Variants in INSC observed in about 807,000 individuals in gnomAD.
INSC encodes protein inscuteable homolog.
INSC carries 67 observed loss-of-function variants against 58.6 expected under a neutral mutation model. The ratio of observed to expected loss-of-function variants is 1.14; its 90% CI spans 0.94 to 1.40. The LOEUF (loss-of-function observed/expected upper bound fraction) is 1.40, where lower values mean the gene tolerates loss of function less well. INSC is among the 40% of genes most tolerant of loss of function. The probability of loss-of-function intolerance (pLI) is 0.00; values close to 1 mark genes in which losing one functional copy is unlikely to be tolerated. For synonymous variants in INSC, 262 were observed against 276.1 expected, an observed-to-expected ratio of 0.95 and a Z score of 0.51; for missense variants, 714 against 692.0, an observed-to-expected ratio of 1.03 and a Z score of -0.36.
chr11:15,190,685 TTC>T lies in INSC; in HGVS notation c.580-8_580-7del, dbSNP rs1480754057. The T allele has an allele frequency of 6.3e-7, 1 of 1,585,800 alleles. No homozygotes were observed. The highest frequency in any genetic ancestry group is 8.7e-7 in the Non-Finnish European group (1 of 1,154,254). ...GTGGTGAGTAACTACTAGCTAACTT[TTC>T]TCTCTCTTCTTAGGCACTGGTGAGA... On this transcript the variant is annotated splice_polypyrimidine_tract_variant and intron_variant, in intron 5 of 12. Transcript: ENST00000379556.
At chr11:15,125,465 G>A (rs944149269) in intron 1 of INSC, among the ~76,000 whole-genome samples, 1 of 152,190 alleles carries the variant, frequency 6.6e-6, no homozygotes, top group African/African-American at 2.4e-5. Context: ...TTACTGGGAG[G>A]AGAAATGAAT....
At chr11:15,155,086 A>G (rs570166156) in intron 2 of INSC, among the ~76,000 whole-genome samples, 1 of 152,292 alleles carries the variant, frequency 6.6e-6, no homozygotes, top group Non-Finnish European at 1.5e-5. Context: ...TTGATGGAAT[A>G]TAATGCAGAT....
chr11:15,164,233 C>T (rs1008012524), intron 2 of INSC, among the ~76,000 whole-genome samples: 17 of 152,134 alleles, frequency 1.1e-4, no homozygotes, highest in African/African-American at 3.9e-4. Context: ...ACTACAATAA[C>T]TTTCTGTTGC....
intron 5 of INSC, among the ~76,000 whole-genome samples, chr11:15,180,661 G>T (rs1849737418): frequency 7.7e-6 from 1 of 130,296 alleles, no homozygotes; most frequent in Non-Finnish European, 1.6e-5. Flanking sequence ...TTCCTTATTG[G>T]CCTCCCTCTC....
chr11:15,237,067 T>C (rs1852161074), intron 10 of INSC, among the ~76,000 whole-genome samples: 1 of 152,194 alleles, frequency 6.6e-6, no homozygotes, highest in Non-Finnish European at 1.5e-5. Flanking sequence ...TGTAGAGGGT[T>C]TTATGGTTCA....
intron 1 of INSC, among the ~76,000 whole-genome samples, chr11:15,123,462 A>G (rs539524608): frequency 6.6e-6 from 1 of 152,374 alleles, no homozygotes; most frequent in Non-Finnish European, 1.5e-5. Flanking sequence ...GTAACCAGAT[A>G]GATGATGGAA....
At chr11:15,148,998 C>A in intron 1 of INSC, 132 bp from the exon 2 acceptor site, 2 of 1,138,456 alleles carry the variant, frequency 1.8e-6, no homozygotes, top group Middle Eastern at 2.1e-4. Flanking sequence ...TAAACTGGTT[C>A]AACAGAAGAA....
rs118114219 is a variant in INSC, at chr11:15,164,351, C to T, written c.57-11390C>T. On this transcript the variant is annotated intron_variant, in intron 2 of 12. Transcript: ENST00000379556. ...ACCTTCTTTTGTTTTAGTATAGGGT[C>T]CAAAAATATGATGACCTGCTCTCTG... is the stretch of plus-strand genomic sequence containing the variant. Among the ~76,000 whole-genome samples, 1,242 of 152,194 alleles carry T rather than the reference C, an allele frequency of 8.2e-3. 4 individuals carry two copies. The highest frequency in any genetic ancestry group is 0.02 in the Middle Eastern group (6 of 294).
chr11:15,251,944 A>G (rs1852654957), downstream of INSC, among the ~76,000 whole-genome samples: 1 of 152,240 alleles, frequency 6.6e-6, no homozygotes, highest in African/African-American at 2.4e-5. Context: ...GGTTCATAAC[A>G]GCATTATTCA....
At chr11:15,232,497 G>A (rs962097139) in intron 9 of INSC, among the ~76,000 whole-genome samples, 4 of 152,166 alleles carry the variant, frequency 2.6e-5, no homozygotes, top group African/African-American at 9.7e-5. Flanking sequence ...GGCTTCAAGT[G>A]ATCCTCCTGC....
At chr11:15,219,305 G>A (rs1182813447) in intron 7 of INSC, among the ~76,000 whole-genome samples, 3 of 152,106 alleles carry the variant, frequency 2.0e-5, no homozygotes, top group Admixed American at 6.5e-5. Flanking sequence ...TTGGGCATGG[G>A]AGACCCAAAG....
In INSC at chr11:15,153,950, T is replaced by TAC. The variant is rs747126726; in HGVS notation, c.56+4720_56+4721insAC. ...TCAGCCTTCAGTAAATCTTAGAAGCTCTGTGTCCCCACTTTAGTGGAGTTC... is the reference window on the plus strand; with the variant it reads ...TCAGCCTTCAGTAAATCTTAGAAGCTACCTGTGTCCCCACTTTAGTGGAGTTC... On this transcript the variant is annotated intron_variant, in intron 2 of 12. Transcript: ENST00000379556. 1.2e-3 allele frequency among the ~76,000 whole-genome samples: 187 copies of TAC among 152,352 alleles called. 3 individuals are homozygous for TAC. Among genetic ancestry groups the TAC allele is most frequent in the Non-Finnish European group, 1.5e-3 (103 of 68,026 alleles).
intron 1 of INSC, among the ~76,000 whole-genome samples, chr11:15,137,401 T>C (rs1467109877): frequency 4.6e-5 from 7 of 152,194 alleles, no homozygotes; most frequent in Non-Finnish European, 7.4e-5. Flanking sequence ...TGATTTCTCC[T>C]CTCTAGCTAT....
At chr11:15,208,914 C>T (rs938823234) in intron 7 of INSC, among the ~76,000 whole-genome samples, 13 of 152,158 alleles carry the variant, frequency 8.5e-5, no homozygotes, top group African/African-American at 2.9e-4. Context: ...GACCAACAGT[C>T]AGGGCCAGTG....
At chr11:15,250,914 A>G (rs1041086064), downstream of INSC, among the ~76,000 whole-genome samples, 2 of 152,256 alleles carry the variant, frequency 1.3e-5, no homozygotes, top group South Asian at 4.1e-4. Flanking sequence ...AAGCAATGAG[A>G]ACACTGTTTA....
At chr11:15,241,866 T>A (rs2133982101) in intron 12 of INSC, among the ~76,000 whole-genome samples, 1 of 152,346 alleles carries the variant, frequency 6.6e-6, no homozygotes, top group Admixed American at 6.5e-5. Context: ...GTAAGTATTG[T>A]CATCTTGACT....
intron 2 of INSC, among the ~76,000 whole-genome samples, chr11:15,168,816 ATAGT>A (rs536111913): frequency 1.9e-4 from 29 of 152,256 alleles, no homozygotes; most frequent in Non-Finnish European, 1.2e-4. Context: ...GACAATGGTA[ATAGT>A]TAGGTTTCTT....
At chr11:15,252,161 G>A (rs1444604045), downstream of INSC, among the ~76,000 whole-genome samples, 1 of 152,152 alleles carries the variant, frequency 6.6e-6, no homozygotes, top group Admixed American at 6.5e-5. Context: ...AAATATACGA[G>A]ATGTACAGAA....
chr11:15,213,872 A>G (rs1343464902), intron 7 of INSC, among the ~76,000 whole-genome samples: 1 of 152,206 alleles, frequency 6.6e-6, no homozygotes, highest in Non-Finnish European at 1.5e-5. Flanking sequence ...GGAGGATAAT[A>G]TTATCATCCT....
Sources: gnomAD v4.1 joint callset for allele counts (sites outside exome capture counted in the v4.1 genomes callset) on GRCh38, gnomAD v4.1.1 for gene constraint, MANE v1.5 for transcripts, NCBI Gene and HGNC (gene_info 2026-07-23, HGNC 2026-07-21) for gene names.